LRP2: variants seen among roughly 807,000 people sequenced by gnomAD.
LRP2 encodes the protein low-density lipoprotein receptor-related protein 2.
A neutral mutation model predicts 531.0 loss-of-function variants in LRP2; 172 were observed. The ratio of observed to expected loss-of-function variants is 0.32; its 90% CI spans 0.29 to 0.37. The LOEUF is 0.37. Ranked by LOEUF, LRP2 falls within the 10% of genes least tolerant of loss-of-function variation. The pLI is 1.00. For missense variants in LRP2, 5,167 were observed against 5,868.3 expected (o/e 0.88, Z 3.90); for synonymous variants, 1,992 against 2,027.6 (o/e 0.98, Z 0.47).
At chr2:169,293,008 C>T (rs775266837) in intron 6 of LRP2, among the ~76,000 whole-genome samples, 1 of 152,116 alleles carries the variant, frequency 6.6e-6, no homozygotes, top group Admixed American at 6.6e-5. Flanking sequence ...TCGACCATTC[C>T]ATGATGTCAC....
At position 169,220,582 on chromosome 2, in the gene LRP2, T is replaced by C; in HGVS notation, c.5539-19A>G. On this transcript the variant is annotated intron_variant, in intron 33 of 78. Coordinates refer to ENST00000649046, the MANE Select transcript of LRP2 (RefSeq NM_004525.3). ...TCAAAACCTATAGCATAAAATCACT[T>C]ATTAGAACTGACTTTCATAAGGGGA... is the stretch of plus-strand genomic sequence containing the variant. 6.5e-7 allele frequency: 1 copy of C among 1,532,080 alleles called. No homozygotes were observed. Among genetic ancestry groups the C allele is most frequent in the Non-Finnish European group, 9.0e-7 (1 of 1,108,098 alleles). 94.9% of individuals were successfully genotyped at this position (1,532,080 alleles called of 1,614,324 possible).
At position 169,255,977 on chromosome 2, in the gene LRP2, AT is replaced by A. The variant is rs2105405333; in HGVS notation, c.2770+128del. ...ATGTTTTGTCTAAATATATAGCACC[AT>A]TTTAAATTTTTTCATTTTAAAGTGG... On this transcript the variant is annotated intron_variant, in intron 19 of 78. Transcript: ENST00000649046. 2.4e-5 allele frequency: 22 copies of A among 898,414 alleles called. 1 individual carries two copies. The South Asian group carries it at 3.3e-4, about 13-fold the overall frequency. The allele number at this position is 898,414 out of a possible 1,614,324, so 55.7% of individuals were successfully genotyped here. A position where few individuals can be genotyped will look rare whatever the true frequency, so the allele number is the denominator to read the frequency against.
At chr2:169,298,968 AT>A (rs1487566840) in intron 4 of LRP2, among the ~76,000 whole-genome samples, 33 of 151,972 alleles carry the variant, frequency 2.2e-4, no homozygotes, top group African/African-American at 7.7e-4. Flanking sequence ...ACAGAGAAGC[AT>A]ATCCTTCCCC....
intron 76 of LRP2, among the ~76,000 whole-genome samples, chr2:169,132,919 C>T (rs1244709612): frequency 6.6e-6 from 1 of 152,130 alleles, no homozygotes; most frequent in Non-Finnish European, 1.5e-5. Flanking sequence ...GAGGCAAATA[C>T]ATCCCTCACT....
intron 72 of LRP2, among the ~76,000 whole-genome samples, 178 bp downstream of exon 72, chr2:169,140,277 G>A (rs1685670395): frequency 6.6e-6 from 1 of 152,244 alleles, no homozygotes; most frequent in African/African-American, 2.4e-5. Flanking sequence ...GCACATTCTA[G>A]TTAAAGAAGC....
chr2:169,191,775 G>C lies in LRP2; in HGVS notation c.9032+57C>G. On this transcript the variant is annotated intron_variant, in intron 48 of 78. Coordinates refer to ENST00000649046, the MANE Select transcript of LRP2 (RefSeq NM_004525.3). Reference sequence around the variant, plus strand: ...CACGGGGTGCCTGATAGGTAAGTGAGCCCAGCCCCCATGGACATTTGAGGC... The same window carrying C: ...CACGGGGTGCCTGATAGGTAAGTGACCCCAGCCCCCATGGACATTTGAGGC... 2.0e-6 allele frequency: 3 copies of C among 1,503,132 alleles called. No individual in the cohort carries two copies. The Admixed American group carries it at 5.0e-5, about 25-fold the overall frequency. 93.1% of individuals were successfully genotyped at this position (1,503,132 alleles called of 1,614,324 possible).
intron 56 of LRP2, 51 bp from the exon 57 acceptor site, chr2:169,173,275 C>T: frequency 5.0e-6 from 8 of 1,610,780 alleles, no homozygotes; most frequent in Non-Finnish European, 6.8e-6. Flanking sequence ...AAGAAAGCAC[C>T]TTTCCATTGT....
At chr2:169,272,384 T>C (rs558528489) in intron 15 of LRP2, among the ~76,000 whole-genome samples, 1 of 152,198 alleles carries the variant, frequency 6.6e-6, no homozygotes, top group South Asian at 2.1e-4. Context: ...AAAAACTGTG[T>C]GAGTAACTGA....
At chr2:169,159,070 C>G (rs1030540370) in intron 63 of LRP2, among the ~76,000 whole-genome samples, 1 of 152,106 alleles carries the variant, frequency 6.6e-6, no homozygotes, top group African/African-American at 2.4e-5. Flanking sequence ...TATCCTCCAT[C>G]TATCCCCAAA....
chr2:169,148,131 G>A (rs1276994458), intron 68 of LRP2, among the ~76,000 whole-genome samples: 1 of 152,204 alleles, frequency 6.6e-6, no homozygotes, highest in Non-Finnish European at 1.5e-5. Context: ...GCAGCCAGGG[G>A]CCTTTAAAGT....
At chr2:169,358,315 G>T (rs1686047089) in intron 1 of LRP2, among the ~76,000 whole-genome samples, 1 of 151,874 alleles carries the variant, frequency 6.6e-6, no homozygotes, top group South Asian at 2.1e-4. Context: ...CATCCTCTCA[G>T]CCCCTTTCTT....
At chr2:169,188,415 C>G in intron 48 of LRP2, 150 bp from the exon 49 acceptor site, 1 of 781,600 alleles carries the variant, frequency 1.3e-6, no homozygotes, top group Non-Finnish European at 2.2e-6. Flanking sequence ...CCCTTTCCCC[C>G]ATCATCTTCG....
chr2:169,172,339 C>T (rs546193600), intron 57 of LRP2, among the ~76,000 whole-genome samples: 1 of 152,286 alleles, frequency 6.6e-6, no homozygotes, highest in African/African-American at 2.4e-5. Context: ...TCGATCCATT[C>T]CCATTGGTAG....
At chr2:169,290,544 T>C (rs1284827247) in intron 8 of LRP2, among the ~76,000 whole-genome samples, 1 of 152,104 alleles carries the variant, frequency 6.6e-6, no homozygotes, top group Non-Finnish European at 1.5e-5. Flanking sequence ...TTGGCATAAG[T>C]AGAACCTTGA....
intron 13 of LRP2, among the ~76,000 whole-genome samples, chr2:169,277,089 G>C (rs1017421932): frequency 2.6e-5 from 4 of 151,574 alleles, no homozygotes; most frequent in African/African-American, 9.7e-5. Flanking sequence ...AGCTACTGGG[G>C]AGGTTGAAGC....
intron 46 of LRP2, 33 bp downstream of exon 46, chr2:169,196,878 C>G (rs767843399): frequency 9.2e-5 from 149 of 1,613,428 alleles, no homozygotes; most frequent in Non-Finnish European, 1.2e-4. Context: ...CTAGCTGCAT[C>G]GTGATGTTTT....
chr2:169,273,350 G>T (rs10515930), intron 14 of LRP2, among the ~76,000 whole-genome samples: 1 of 152,022 alleles, frequency 6.6e-6, no homozygotes, highest in Non-Finnish European at 1.5e-5. Flanking sequence ...GAGTATGTCT[G>T]CTATCCTCCA....
At chr2:169,149,363 T>C (rs910253568) in intron 68 of LRP2, among the ~76,000 whole-genome samples, 4 of 152,236 alleles carry the variant, frequency 2.6e-5, no homozygotes, top group African/African-American at 9.7e-5. Flanking sequence ...ACATCATATA[T>C]GCTTATGCTT....
At chr2:169,221,019 C>T (rs1559024848) in intron 33 of LRP2, among the ~76,000 whole-genome samples, 2 of 152,168 alleles carry the variant, frequency 1.3e-5, no homozygotes, top group Non-Finnish European at 2.9e-5. Flanking sequence ...CAAATTTACT[C>T]AGAGGTACAG....
Sources: allele counts gnomAD v4.1 joint callset (sites outside exome capture counted in the v4.1 genomes callset), GRCh38; gene constraint gnomAD v4.1.1; transcripts MANE v1.5; gene names NCBI Gene and HGNC (gene_info 2026-07-23, HGNC 2026-07-21).